Variants in PRKG1 observed in about 807,000 individuals in gnomAD.
PRKG1 encodes protein kinase cGMP-dependent 1.
Under a neutral mutation model 88.1 loss-of-function variants are expected in PRKG1, and 35 were observed. That is an observed-to-expected ratio of 0.40 (90% CI 0.30 to 0.53). PRKG1 has a LOEUF of 0.53. Ranked by LOEUF, PRKG1 falls within the 20% of genes least tolerant of loss-of-function variation. The probability of loss-of-function intolerance (pLI) is 0.59; values close to 1 mark genes in which losing one functional copy is unlikely to be tolerated. For synonymous variants in PRKG1, 303 were observed against 292.5 expected, an observed-to-expected ratio of 1.04 and a Z score of -0.37; for missense variants, 540 against 839.8, an observed-to-expected ratio of 0.64 and a Z score of 4.41.
intron 2 of PRKG1, among the ~76,000 whole-genome samples, chr10:51,404,342 T>C (rs1192124421): frequency 6.6e-6 from 1 of 152,236 alleles, no homozygotes; most frequent in African/African-American, 2.4e-5. Context: ...AGATTGATAA[T>C]AGATTATGAT....
At chr10:51,044,328 G>A (rs1416861370) in intron 1 of PRKG1, among the ~76,000 whole-genome samples, 3 of 152,076 alleles carry the variant, frequency 2.0e-5, no homozygotes, top group Non-Finnish European at 1.5e-5. Context: ...TCACGGAAGA[G>A]TTTTGGTAAA....
chr10:51,910,119 A>T (rs912376210), intron 5 of PRKG1: 1 of 152,162 alleles, frequency 6.6e-6, no homozygotes, highest in Non-Finnish European at 1.5e-5. Flanking sequence ...GCCCTGCTTG[A>T]TGTTAGTAAT....
At chr10:51,611,481 T>C (rs1395953928) in intron 3 of PRKG1, among the ~76,000 whole-genome samples, 1 of 72,948 alleles carries the variant, frequency 1.4e-5, no homozygotes, top group African/African-American at 2.8e-5. Context: ...ATTTGCCCTT[T>C]TTTAAAAAAA....
chr10:52,031,052 C>T (rs1446259283), intron 5 of PRKG1, among the ~76,000 whole-genome samples: 1 of 151,744 alleles, frequency 6.6e-6, no homozygotes, highest in Non-Finnish European at 1.5e-5. Flanking sequence ...ATTATTTATT[C>T]TCAAACTTTA....
At chr10:51,646,319 A>T (rs747358407) in intron 3 of PRKG1, among the ~76,000 whole-genome samples, 19 of 152,154 alleles carry the variant, frequency 1.2e-4, no homozygotes, top group South Asian at 2.1e-4. Flanking sequence ...TGTTGTGAGG[A>T]TTAACTAAAA....
At position 51,904,267 on chromosome 10, in the gene PRKG1, C is replaced by G. The variant is rs1036706867; in HGVS notation, c.699-3240C>G. Among the ~76,000 whole-genome samples the G allele has an allele frequency of 4.6e-5, 7 of 152,116 alleles. No homozygotes were observed. The South Asian group carries it at 6.2e-4, about 14-fold the overall frequency. On this transcript the variant is annotated intron_variant, in intron 4 of 17. Coordinates refer to ENST00000373980, the MANE Select transcript of PRKG1 (RefSeq NM_006258.4). ...TTTGCATAACTGAAAATATTCTTCT[C>G]TAATGTTTAAACATTTTATCTGGAA...
intron 3 of PRKG1, among the ~76,000 whole-genome samples, chr10:51,703,088 T>C: frequency 6.6e-6 from 1 of 152,276 alleles, no homozygotes; most frequent in African/African-American, 2.4e-5. Context: ...AAAAGTATAC[T>C]TTATTTTTAA....
intron 2 of PRKG1, among the ~76,000 whole-genome samples, chr10:51,157,118 T>G (rs1846234314): frequency 6.6e-6 from 1 of 151,960 alleles, no homozygotes; most frequent in Non-Finnish European, 1.5e-5. Flanking sequence ...CCAGAGGTTC[T>G]TATGGTTTTA....
intron 2 of PRKG1, among the ~76,000 whole-genome samples, chr10:51,263,510 A>T (rs1386207734): frequency 6.6e-6 from 1 of 152,158 alleles, no homozygotes; most frequent in Admixed American, 6.5e-5. Context: ...CATCAGGCAA[A>T]ACTCCTTGGG....
chr10:51,458,514 T>A (rs1839654938), intron 2 of PRKG1, among the ~76,000 whole-genome samples: 1 of 152,092 alleles, frequency 6.6e-6, no homozygotes, highest in Non-Finnish European at 1.5e-5. Context: ...ACAGAAAGCT[T>A]CATCACACAC....
At chr10:51,171,415 G>T (rs1007476467) in intron 2 of PRKG1, among the ~76,000 whole-genome samples, 1 of 152,110 alleles carries the variant, frequency 6.6e-6, no homozygotes, top group African/African-American at 2.4e-5. Context: ...TGGTGGAGCA[G>T]CTGTACCTCT....
chr10:51,389,772 AATG>A (rs1487822166), intron 2 of PRKG1, among the ~76,000 whole-genome samples: 1 of 152,202 alleles, frequency 6.6e-6, no homozygotes, highest in African/African-American at 2.4e-5. Flanking sequence ...TAATACATAA[AATG>A]ATAAGGGAAC....
At chr10:52,007,980 A>G (rs1406108777) in intron 5 of PRKG1, among the ~76,000 whole-genome samples, 1 of 152,170 alleles carries the variant, frequency 6.6e-6, no homozygotes, top group East Asian at 1.9e-4. Context: ...AAAATCCCTC[A>G]AAATAACACA....
intron 9 of PRKG1, among the ~76,000 whole-genome samples, chr10:52,214,147 T>C (rs1396939687): frequency 6.6e-6 from 1 of 151,922 alleles, no homozygotes; most frequent in African/African-American, 2.4e-5. Context: ...CTCCCCAAAC[T>C]CTAGGATCCC....
chr10:51,809,658 A>C (rs1433938654), intron 4 of PRKG1, among the ~76,000 whole-genome samples: 1 of 152,182 alleles, frequency 6.6e-6, no homozygotes, highest in Non-Finnish European at 1.5e-5. Flanking sequence ...TTTCACTGAC[A>C]AATCAGAGAG....
In PRKG1 at chr10:52,161,872, C is replaced by CT. The variant is rs1446363363; in HGVS notation, c.1002-11dup. The CT allele has an allele frequency of 1.2e-6, 2 of 1,610,500 alleles. No homozygotes were observed. The highest frequency in any genetic ancestry group is 1.7e-6 in the Non-Finnish European group (2 of 1,177,900). On this transcript the variant is annotated splice_polypyrimidine_tract_variant and intron_variant, in intron 8 of 17. Coordinates refer to ENST00000373980, the MANE Select transcript of PRKG1 (RefSeq NM_006258.4). ...ATTTTGTAGAAGATTAATCACTGTG[C>CT]TTTTTTCGTCTGACAGCTCTTTTAA...
At chr10:51,698,796 G>A (rs773117890) in intron 3 of PRKG1, 5 of 1,614,192 alleles carry the variant, frequency 3.1e-6, no homozygotes, top group Middle Eastern at 1.7e-4. Flanking sequence ...TGCATCAGAG[G>A]AGGAATGTCC....
At chr10:51,314,842 T>C (rs1474813111) in intron 2 of PRKG1, among the ~76,000 whole-genome samples, 1 of 152,206 alleles carries the variant, frequency 6.6e-6, no homozygotes, top group Non-Finnish European at 1.5e-5. Flanking sequence ...CATTTAAGTT[T>C]ACAACATGAG....
chr10:51,067,024 T>C (rs915710487), intron 1 of PRKG1, among the ~76,000 whole-genome samples: 2 of 152,020 alleles, frequency 1.3e-5, no homozygotes, highest in African/African-American at 4.8e-5. Flanking sequence ...TTCTAGAAAA[T>C]ATGTGTCTTT....
Sources: gnomAD v4.1 joint callset for allele counts (sites outside exome capture counted in the v4.1 genomes callset) on GRCh38, gnomAD v4.1.1 for gene constraint, MANE v1.5 for transcripts, NCBI Gene and HGNC (gene_info 2026-07-23, HGNC 2026-07-21) for gene names.